Variants in UBOX5 observed in about 807,000 individuals in gnomAD.
UBOX5 encodes the protein RING finger protein 37.
In UBOX5, 28 loss-of-function variants were observed where a neutral mutation model predicts 39.0. The ratio of observed to expected loss-of-function variants is 0.72; its 90% CI spans 0.53 to 0.98. UBOX5 has a LOEUF of 0.98. UBOX5 is among the 50% of genes least tolerant of loss of function. UBOX5 has a pLI of 0.00. For missense variants in UBOX5, 585 were observed against 674.4 expected (o/e 0.87, Z 1.47); for synonymous variants, 283 against 275.5 (o/e 1.03, Z -0.27).
chr20:3,149,099 G>T lies in UBOX5; in HGVS notation c.-42+10667C>A. The T allele has an allele frequency of 2.5e-6, 4 of 1,582,602 alleles. No homozygotes were observed. The highest frequency in any genetic ancestry group is 3.4e-6 in the Non-Finnish European group (4 of 1,164,190). ...GGTGTCAGTATTGATCTCTTTGGCA[G>T]TCAGAATACAGTCCTCACAGATTTG... On this transcript the variant is annotated intron_variant, in intron 1 of 4. Transcript: ENST00000217173. This position sits in a 1 kb window ranked among gnomAD's most constrained non-coding sequence, Gnocchi z 4.1.
intron 2 of UBOX5, 88 bp from the exon 3 acceptor site, chr20:3,122,672 G>A (rs944910637): frequency 2.1e-5 from 31 of 1,454,502 alleles, no homozygotes; most frequent in Middle Eastern, 2.5e-4. Context: ...GAGGTTCCTC[G>A]TTTTAAAATT....
intron 2 of UBOX5, among the ~76,000 whole-genome samples, chr20:3,122,993 G>T (rs539059473): frequency 6.6e-6 from 1 of 152,182 alleles, no homozygotes; most frequent in South Asian, 2.1e-4. Context: ...AACAGTATCT[G>T]GGGAGAGAAG....
chr20:3,118,129 CCA>C (rs2066307644), intron 3 of UBOX5, among the ~76,000 whole-genome samples: 1 of 152,150 alleles, frequency 6.6e-6, no homozygotes, highest in Non-Finnish European at 1.5e-5. Flanking sequence ...CTGCTGCACT[CCA>C]GCCTGGGCGA....
At chr20:3,143,754 C>G (rs771168989) in intron 1 of UBOX5, among the ~76,000 whole-genome samples, 2 of 152,086 alleles carry the variant, frequency 1.3e-5, no homozygotes, top group Non-Finnish European at 2.9e-5. Flanking sequence ...GATCGCACCA[C>G]TGCACTCCAG....
At chr20:3,128,361 C>T (rs2066405331) in intron 1 of UBOX5, among the ~76,000 whole-genome samples, 1 of 152,186 alleles carries the variant, frequency 6.6e-6, no homozygotes. Context: ...TGAAATAAAA[C>T]ATTCCTCCTT....
intron 1 of UBOX5, chr20:3,147,524 G>A: frequency 6.2e-7 from 1 of 1,614,158 alleles, no homozygotes; most frequent in Non-Finnish European, 8.5e-7. Flanking sequence ...ACCATCGAGG[G>A]TATATAGTTC....
intron 1 of UBOX5, among the ~76,000 whole-genome samples, chr20:3,143,091 ATCTG>A (rs2066531458): frequency 7.0e-6 from 1 of 142,872 alleles, no homozygotes; most frequent in African/African-American, 2.6e-5. Context: ...CAGGTTAATC[ATCTG>A]TCTTTTTTTT....
intron 1 of UBOX5, among the ~76,000 whole-genome samples, chr20:3,143,078 T>C (rs1203775110): frequency 7.0e-6 from 1 of 143,658 alleles, no homozygotes; most frequent in East Asian, 2.2e-4. Flanking sequence ...TTAAGCACAA[T>C]AGCAGGTTAA....
intron 1 of UBOX5, among the ~76,000 whole-genome samples, chr20:3,145,712 AG>A (rs1193917833): frequency 1.3e-5 from 2 of 152,166 alleles, no homozygotes; most frequent in Non-Finnish European, 2.9e-5. Flanking sequence ...CTGAGATAAC[AG>A]GCATGAGCCA....
At chr20:3,146,713 T>C in intron 1 of UBOX5, 1 of 1,518,596 alleles carries the variant, frequency 6.6e-7, no homozygotes, top group Non-Finnish European at 8.8e-7. Flanking sequence ...TTTATAATCA[T>C]TTTGCAACAC....
chr20:3,152,100 CAAAAAAA>C (rs60655157), intron 1 of UBOX5, among the ~76,000 whole-genome samples: 2 of 62,884 alleles, frequency 3.2e-5, no homozygotes, highest in Admixed American at 1.9e-4. Context: ...GACTCTGTCT[CAAAAAAA>C]AAAAAAAAAA....
intron 1 of UBOX5, among the ~76,000 whole-genome samples, chr20:3,144,116 A>ACGACAGATTCAATACTGTCCCTAT (rs1168406022): frequency 6.6e-6 from 1 of 152,212 alleles, no homozygotes; most frequent in Admixed American, 6.5e-5. Flanking sequence ...CCCAAAGCAA[A>ACGACAGATTCAATACTGTCCCTAT]CGACAGATTC....
intron 1 of UBOX5, among the ~76,000 whole-genome samples, chr20:3,140,749 C>T (rs2066510982): frequency 6.6e-6 from 1 of 151,788 alleles, no homozygotes; most frequent in Non-Finnish European, 1.5e-5. Flanking sequence ...TCAGGAGACA[C>T]ATGTGCAGGT....
intron 4 of UBOX5, 110 bp from the exon 5 acceptor site, chr20:3,110,424 T>C: frequency 1.6e-6 from 2 of 1,282,526 alleles, no homozygotes; most frequent in Non-Finnish European, 2.2e-6. Context: ...TCTGGCTTCA[T>C]CCCTCCCGAG....
intron 1 of UBOX5, among the ~76,000 whole-genome samples, chr20:3,152,332 T>A (rs187767936): frequency 2.5e-4 from 38 of 150,484 alleles, no homozygotes; most frequent in Admixed American, 7.9e-4. Context: ...ATACAAAAAA[T>A]TAGCCAGGCG....
chr20:3,116,693 A>G (rs985072082), intron 3 of UBOX5: 7 of 152,244 alleles, frequency 4.6e-5, no homozygotes, highest in Non-Finnish European at 1.0e-4. Flanking sequence ...TCTTAAAACC[A>G]AAGACACAGA....
rs768343538 is a variant in UBOX5, at chr20:3,147,461, AGGT to A, written c.-42+12302_-42+12304del. The A allele has an allele frequency of 8.1e-6, 13 of 1,614,098 alleles. No homozygotes were observed. The Admixed American group carries it at 1.0e-4, about 12-fold the overall frequency. ...CAGCAATTCAGACCCCTCTTGCTGA[AGGT>A]GAGTACTAAGACGATTGCCTCTGTA... On this transcript the variant is annotated intron_variant, in intron 1 of 4. Coordinates refer to ENST00000217173, the MANE Select transcript of UBOX5 (RefSeq NM_014948.4).
In UBOX5 at chr20:3,110,268, T is replaced by TC; in HGVS notation, c.1463dup (p.Val489SerfsTer27). The TC allele has an allele frequency of 6.2e-7, 1 of 1,614,120 alleles. No individual in the cohort carries two copies. Among genetic ancestry groups the TC allele is most frequent in the Non-Finnish European group, 8.5e-7 (1 of 1,180,024 alleles). ...CCTTTTTGAAGTAGGGAGAAAATAC[T>TC]CTTTTGCAGGAGGCACATTCGGGGC... On this transcript the variant is annotated frameshift_variant, in exon 5 of 5. Coordinates refer to ENST00000217173, the MANE Select transcript of UBOX5 (RefSeq NM_014948.4). LOFTEE classifies it high-confidence loss of function.
chr20:3,134,140 G>A (rs1191690240), intron 1 of UBOX5, among the ~76,000 whole-genome samples: 1 of 152,032 alleles, frequency 6.6e-6, no homozygotes, highest in African/African-American at 2.4e-5. Flanking sequence ...TAGTAGTCAT[G>A]TATTTTAATA....
Sources: gnomAD v4.1 joint callset for allele counts (sites outside exome capture counted in the v4.1 genomes callset) on GRCh38, gnomAD v4.1.1 for gene constraint, Gnocchi (gnomAD v3.1) non-coding constraint, MANE v1.5 for transcripts, NCBI Gene and HGNC (gene_info 2026-07-23, HGNC 2026-07-21) for gene names.